USP13: variants seen among roughly 807,000 people sequenced by gnomAD.
The protein encoded by USP13 is ubiquitin carboxyl-terminal hydrolase 13.
In USP13, 68 loss-of-function variants were observed where a neutral mutation model predicts 107.8. The observed-to-expected ratio is 0.63, with a 90% confidence interval of 0.52 to 0.77. USP13 has a LOEUF of 0.77. Ranked by LOEUF, USP13 falls within the 30% of genes least tolerant of loss-of-function variation. USP13 has a pLI of 0.00. For missense variants in USP13, 945 were observed against 1,093.3 expected (o/e 0.86, Z 1.91); for synonymous variants, 377 against 389.5 (o/e 0.97, Z 0.38).
chr3:179,689,685 T>C (rs903508353), intron 2 of USP13, among the ~76,000 whole-genome samples: 1 of 151,048 alleles, frequency 6.6e-6, no homozygotes, highest in African/African-American at 2.4e-5. Context: ...AAAAAGAAAA[T>C]ACACGATGCT....
chr3:179,666,195 T>C (rs1441991557), intron 1 of USP13, among the ~76,000 whole-genome samples: 2 of 152,206 alleles, frequency 1.3e-5, no homozygotes, highest in East Asian at 1.9e-4. Flanking sequence ...CAGCCACTTA[T>C]GAGCAAGGGA....
chr3:179,703,746 T>G (rs1712615302), intron 4 of USP13, among the ~76,000 whole-genome samples: 1 of 152,188 alleles, frequency 6.6e-6, no homozygotes, highest in Non-Finnish European at 1.5e-5. Flanking sequence ...TTTCCAGCAT[T>G]CCGCTGACAT....
chr3:179,749,783 T>A (rs1342434909), intron 13 of USP13, among the ~76,000 whole-genome samples: 1 of 152,188 alleles, frequency 6.6e-6, no homozygotes, highest in African/African-American at 2.4e-5. Flanking sequence ...ACCGCTATTA[T>A]GGTATTACAG....
intron 1 of USP13, among the ~76,000 whole-genome samples, chr3:179,671,127 C>G (rs940927663): frequency 1.3e-5 from 2 of 152,048 alleles, no homozygotes; most frequent in African/African-American, 2.4e-5. Flanking sequence ...GTGGTGGGCA[C>G]CAGTAATCCC....
At chr3:179,758,179 G>C (rs9872192) in intron 16 of USP13, among the ~76,000 whole-genome samples, 1 of 151,924 alleles carries the variant, frequency 6.6e-6, no homozygotes, top group South Asian at 2.1e-4. Context: ...TTTGGAGACC[G>C]AAGACCTGGG....
At chr3:179,669,883 G>A (rs1052600375) in intron 1 of USP13, among the ~76,000 whole-genome samples, 3 of 152,140 alleles carry the variant, frequency 2.0e-5, no homozygotes, top group Non-Finnish European at 4.4e-5. Context: ...TTTGAAAAAT[G>A]TAGATGAGAT....
chr3:179,751,735 T>G (rs1380756919), intron 13 of USP13, among the ~76,000 whole-genome samples: 2 of 152,206 alleles, frequency 1.3e-5, no homozygotes, highest in African/African-American at 4.8e-5. Context: ...GCATTCTTTT[T>G]TTTTTTGAGA....
chr3:179,735,416 C>CTT (rs5854845), intron 10 of USP13, among the ~76,000 whole-genome samples: 3 of 142,992 alleles, frequency 2.1e-5, no homozygotes, highest in East Asian at 2.0e-4. Flanking sequence ...AGAGCCTGAC[C>CTT]TTTTTTTTTT....
intron 6 of USP13, among the ~76,000 whole-genome samples, chr3:179,710,375 G>A (rs545797767): frequency 1.3e-5 from 2 of 152,310 alleles, no homozygotes; most frequent in African/African-American, 2.4e-5. Context: ...AAAGTTGCAA[G>A]GGGACAATAA....
intron 1 of USP13, among the ~76,000 whole-genome samples, chr3:179,670,729 G>A (rs917575781): frequency 5.3e-5 from 8 of 151,444 alleles, no homozygotes; most frequent in South Asian, 2.1e-4. Flanking sequence ...ACAGATTCTC[G>A]CTCTGTCACC....
chr3:179,708,456 A>C (rs1244145179), intron 5 of USP13, among the ~76,000 whole-genome samples: 1 of 148,230 alleles, frequency 6.7e-6, no homozygotes, highest in Non-Finnish European at 1.5e-5. Flanking sequence ...TTGGGATTAC[A>C]GGTGCCCACC....
chr3:179,738,799 G>A (rs1338045089), intron 10 of USP13, among the ~76,000 whole-genome samples: 1 of 152,218 alleles, frequency 6.6e-6, no homozygotes, highest in African/African-American at 2.4e-5. Context: ...GAAAACAGCA[G>A]TGCTGAAGCA....
At chr3:179,761,039 A>T in intron 16 of USP13, 73 bp from the exon 17 acceptor site, 1 of 1,574,718 alleles carries the variant, frequency 6.4e-7, no homozygotes, top group Non-Finnish European at 8.7e-7. Context: ...TGTGGATAGG[A>T]GAGTGGAGAG....
In USP13 at chr3:179,686,016, A is replaced by G. The variant is rs1189025402; in HGVS notation, c.294+4013A>G. ...TCCATTGATGTCACTGTCTACTTCC[A>G]TGCACAGACTGCTGGAAACCCCACA... On this transcript the variant is annotated intron_variant, in intron 2 of 20. Transcript: ENST00000263966. Among the ~76,000 whole-genome samples the G allele has an allele frequency of 3.9e-5, 6 of 152,060 alleles. No individual in the cohort carries two copies. The East Asian group carries it at 1.2e-3, about 29-fold the overall frequency.
chr3:179,756,664 A>C (rs1357678177), intron 15 of USP13, among the ~76,000 whole-genome samples: 1 of 152,168 alleles, frequency 6.6e-6, no homozygotes, highest in East Asian at 1.9e-4. Flanking sequence ...AGGCTAAGCC[A>C]GGAGGATCAC....
At chr3:179,683,681 C>G (rs1370218350) in intron 2 of USP13, among the ~76,000 whole-genome samples, 2 of 152,204 alleles carry the variant, frequency 1.3e-5, no homozygotes, top group East Asian at 1.9e-4. Flanking sequence ...CACCGGATTC[C>G]TCCCATGACA....
intron 10 of USP13, among the ~76,000 whole-genome samples, chr3:179,736,402 T>G (rs905445854): frequency 3.9e-5 from 6 of 152,158 alleles, no homozygotes; most frequent in Non-Finnish European, 8.8e-5. Flanking sequence ...ACGTCCCCTC[T>G]GAAAGCAGAG....
At chr3:179,657,779 A>AG (rs935309328) in intron 1 of USP13, among the ~76,000 whole-genome samples, 1,705 of 150,610 alleles carry the variant, frequency 0.011, 40 homozygotes, top group African/African-American at 0.039. Context: ...AAAAAAAAAA[A>AG]AAAAAAAGAA....
chr3:179,696,039 C>T (rs1191606538), intron 3 of USP13, among the ~76,000 whole-genome samples: 1 of 152,126 alleles, frequency 6.6e-6, no homozygotes, highest in East Asian at 1.9e-4. Flanking sequence ...AACTCCATAT[C>T]TTTGTAAAGC....
Sources: gnomAD v4.1 joint callset for allele counts (sites outside exome capture counted in the v4.1 genomes callset) on GRCh38, gnomAD v4.1.1 for gene constraint, MANE v1.5 for transcripts, NCBI Gene and HGNC (gene_info 2026-07-23, HGNC 2026-07-21) for gene names.